The following TLL1 variants were observed in gnomAD, a reference collection of about 807,000 sequenced individuals.
The protein encoded by TLL1 is tolloid-like protein 1.
In TLL1, 49 loss-of-function variants were observed where a neutral mutation model predicts 128.2. That is an observed-to-expected ratio of 0.38 (90% CI 0.30 to 0.48). The LOEUF is 0.48. Among genes scored for constraint, TLL1 ranks in the 20% least tolerant of loss-of-function variants. The probability of loss-of-function intolerance (pLI) is 0.96; values close to 1 mark genes in which losing one functional copy is unlikely to be tolerated. For synonymous variants in TLL1, 454 were observed against 418.8 expected, an observed-to-expected ratio of 1.08 and a Z score of -1.03; for missense variants, 1,123 against 1,242.0, an observed-to-expected ratio of 0.90 and a Z score of 1.44.
chr4:166,071,528 G>A (rs1282084940), intron 16 of TLL1, among the ~76,000 whole-genome samples: 1 of 151,856 alleles, frequency 6.6e-6, no homozygotes, highest in Non-Finnish European at 1.5e-5. Context: ...TGTGTCTAGT[G>A]TATGAAAATG....
chr4:165,980,911 A>G (rs1736121185), intron 1 of TLL1, among the ~76,000 whole-genome samples: 1 of 152,102 alleles, frequency 6.6e-6, no homozygotes, highest in African/African-American at 2.4e-5. Flanking sequence ...AATGTTTTAA[A>G]CAGTTTTTTA....
intron 12 of TLL1, among the ~76,000 whole-genome samples, chr4:166,045,597 T>C (rs1348199394): frequency 2.0e-5 from 3 of 152,086 alleles, no homozygotes; most frequent in Non-Finnish European, 2.9e-5. Context: ...GCTTTTACAA[T>C]GTACGTTAGA....
rs777737168 is a variant in TLL1 at position 166,055,123 on chromosome 4, T to C, written c.1572T>C (p.Asp524=). ...NCAYDYLEVR[D]GTSENSPLIG... ...CTTATGACTACCTGGAAGTTAGAGA[T>C]GGAACCAGTGAAAATAGCCCTTTGA... Residue 524 remains aspartate, a synonymous_variant, in exon 13 of 21, where the codon GAT becomes GAC. Transcript: ENST00000061240. The C allele has an allele frequency of 4.3e-6, 7 of 1,613,132 alleles. No individual in the cohort carries two copies. In the Admixed American group the frequency reaches 1.0e-4, roughly 23 times the overall value.
Position 166,068,604 on chromosome 4 carries a change from G to C in TLL1, c.2188+2741G>C, listed in dbSNP as rs139972328. 2.5e-3 allele frequency among the ~76,000 whole-genome samples: 381 copies of C among 151,786 alleles called. 3 individuals are homozygous for C. The highest frequency in any genetic ancestry group is 8.5e-3 in the African/African-American group (353 of 41,466). Reference sequence around the variant, plus strand: ...CACAAATTCTATAGAAAGAAATTTGGCATAGAAATCAAGAGTCATTAAAAT... The same window carrying C: ...CACAAATTCTATAGAAAGAAATTTGCCATAGAAATCAAGAGTCATTAAAAT... On this transcript the variant is annotated intron_variant, in intron 16 of 20. Coordinates refer to ENST00000061240, the MANE Select transcript of TLL1 (RefSeq NM_012464.5).
chr4:165,904,403 C>T (rs1478405452), intron 1 of TLL1, among the ~76,000 whole-genome samples: 10 of 152,128 alleles, frequency 6.6e-5, no homozygotes, highest in Non-Finnish European at 1.3e-4. Context: ...GCTCTCTTGG[C>T]ATTTGTTCTT....
At chr4:166,022,145 T>C (rs1738269968) in intron 8 of TLL1, among the ~76,000 whole-genome samples, 1 of 152,064 alleles carries the variant, frequency 6.6e-6, no homozygotes, top group Non-Finnish European at 1.5e-5. Flanking sequence ...TTTATTTCTT[T>C]CTTTGCCCTA....
At chr4:166,014,645 G>T (rs1737855423) in intron 8 of TLL1, 85 bp downstream of exon 8, 1 of 1,587,324 alleles carries the variant, frequency 6.3e-7, no homozygotes, top group Non-Finnish European at 8.6e-7. Context: ...TCAACTGTTT[G>T]TTTGTCTCCC....
intron 1 of TLL1, among the ~76,000 whole-genome samples, chr4:165,954,800 C>T (rs1267309915): frequency 6.6e-6 from 1 of 152,076 alleles, no homozygotes; most frequent in East Asian, 1.9e-4. Flanking sequence ...AACAAAAAAC[C>T]CCATCCAATT....
Position 166,099,474 on chromosome 4 carries a change from T to C in TLL1, c.2854T>C (p.Phe952Leu). 6.2e-7 allele frequency: 1 copy of C among 1,613,524 alleles called. No homozygotes were observed. The highest frequency in any genetic ancestry group is 8.5e-7 in the Non-Finnish European group (1 of 1,179,632). ...ADCGYDYVELFDGLDSTAVGL... is the reference protein window; with the variant it reads ...ADCGYDYVELLDGLDSTAVGL... ...CTGTGGCTATGACTATGTGGAGCTC[T>C]TTGATGGTCTTGATTCAACAGCTGT... Residue 952 changes from phenylalanine to leucine, a missense_variant, in exon 20 of 21, where the codon TTT becomes CTT. Around this residue, in one of 3 missense-constraint regions of TLL1, gnomAD observed 634 missense variants for 672.4 expected, o/e 0.94. Coordinates refer to ENST00000061240, the MANE Select transcript of TLL1 (RefSeq NM_012464.5).
At chr4:166,067,309 G>T (rs896019225) in intron 16 of TLL1, among the ~76,000 whole-genome samples, 2 of 151,688 alleles carry the variant, frequency 1.3e-5, no homozygotes, top group African/African-American at 4.8e-5. Flanking sequence ...ATTAAATTTA[G>T]TTACCCAGAA....
rs1553969381 is a variant in TLL1, at chr4:166,091,084, G to T, written c.2443-44G>T. The T allele has an allele frequency of 1.2e-5, 17 of 1,421,500 alleles. No individual in the cohort carries two copies. In the Middle Eastern group the frequency reaches 2.0e-3, roughly 169 times the overall value. 88.1% of individuals were successfully genotyped at this position (1,421,500 alleles called of 1,614,324 possible). On this transcript the variant is annotated intron_variant, in intron 18 of 20. Transcript: ENST00000061240. ...TCCCAAAAATTATCTCATTTTGAGTGATTTGTTTTTTTTTAAAAAAATTAT... is the reference window on the plus strand; with the variant it reads ...TCCCAAAAATTATCTCATTTTGAGTTATTTGTTTTTTTTTAAAAAAATTAT...
Position 166,101,001 on chromosome 4 carries a change from A to G in TLL1, c.*125A>G. The G allele has an allele frequency of 6.4e-6, 8 of 1,252,654 alleles. No homozygotes were observed. Among genetic ancestry groups the G allele is most frequent in the Non-Finnish European group, 8.9e-6 (8 of 895,376 alleles). The allele number at this position is 1,252,654 out of a possible 1,614,324, so 77.6% of individuals were successfully genotyped here. On this transcript the variant is annotated 3_prime_UTR_variant, in exon 21 of 21. Transcript: ENST00000061240. The stretch of plus-strand genomic sequence containing the variant: ...AGTTTGAACAAAAAATCCCTGTAAG[A>G]CCAGAATTATCTTTGTACTAAAAGA...
At chr4:165,898,426 G>C (rs1731792453) in intron 1 of TLL1, among the ~76,000 whole-genome samples, 1 of 152,190 alleles carries the variant, frequency 6.6e-6, no homozygotes, top group Non-Finnish European at 1.5e-5. Context: ...TTTATTGAGA[G>C]TTTTTAGCAT....
chr4:166,011,391 T>A (rs926971176), intron 7 of TLL1, among the ~76,000 whole-genome samples: 18 of 151,664 alleles, frequency 1.2e-4, no homozygotes, highest in African/African-American at 4.3e-4. Flanking sequence ...AGGTTTTTTT[T>A]ATGCTGTTGT....
chr4:165,959,068 T>G (rs896887510), intron 1 of TLL1, among the ~76,000 whole-genome samples: 142 of 149,148 alleles, frequency 9.5e-4, no homozygotes, highest in African/African-American at 3.0e-3. Context: ...TCCATTGATC[T>G]ATATCTCTGT....
chr4:166,059,073 A>G (rs1344619927), intron 14 of TLL1, among the ~76,000 whole-genome samples: 1 of 152,174 alleles, frequency 6.6e-6, no homozygotes, highest in East Asian at 1.9e-4. Context: ...GAGACAATCA[A>G]AAAATAACAA....
chr4:166,010,004 A>G (rs900434580), intron 7 of TLL1, among the ~76,000 whole-genome samples: 1 of 151,374 alleles, frequency 6.6e-6, no homozygotes, highest in African/African-American at 2.4e-5. Flanking sequence ...GCCTCTTGCA[A>G]TCACCATTCT....
rs1298206946 is a variant in TLL1, at chr4:166,101,977, T to G, written c.*1101T>G. ...TTCTGAAAGACTTCTTATGGTGCTATTCCATAAACTTTTTTTCAAACAAGT... is the reference window on the plus strand; with the variant it reads ...TTCTGAAAGACTTCTTATGGTGCTAGTCCATAAACTTTTTTTCAAACAAGT... On this transcript the variant is annotated 3_prime_UTR_variant, in exon 21 of 21. Coordinates refer to ENST00000061240, the MANE Select transcript of TLL1 (RefSeq NM_012464.5). 6.6e-6 allele frequency: 1 copy of G among 152,458 alleles called. No homozygotes were observed. Among genetic ancestry groups the G allele is most frequent in the Non-Finnish European group, 1.5e-5 (1 of 67,958 alleles). The allele number at this position is 152,458 out of a possible 1,614,324, so 9.4% of individuals were successfully genotyped here. A position where few individuals can be genotyped will look rare whatever the true frequency, so the allele number is the denominator to read the frequency against.
intron 12 of TLL1, among the ~76,000 whole-genome samples, chr4:166,047,290 G>T (rs919125639): frequency 1.3e-5 from 2 of 151,080 alleles, no homozygotes; most frequent in Non-Finnish European, 1.5e-5. Flanking sequence ...TCAGCCTCCC[G>T]AGTAGCTGGG....
Sources: gnomAD v4.1 joint callset for allele counts (sites outside exome capture counted in the v4.1 genomes callset) on GRCh38, gnomAD v4.1.1 for gene constraint, gnomAD v4.1.1 regional missense constraint, MANE v1.5 for transcripts, NCBI Gene and HGNC (gene_info 2026-07-23, HGNC 2026-07-21) for gene names.